Variants in SH3RF3 observed in about 807,000 individuals in gnomAD.
The protein encoded by SH3RF3 is SH3 domain containing ring finger 3.
In SH3RF3, 29 loss-of-function variants were observed where a neutral mutation model predicts 66.3. The observed-to-expected ratio is 0.44, with a 90% CI of 0.33 to 0.60. The LOEUF is 0.60. SH3RF3 is among the 20% of genes least tolerant of loss of function. SH3RF3 has a pLI of 0.04. For synonymous variants in SH3RF3, 583 were observed against 532.0 expected (o/e 1.10, Z -1.32); for missense variants, 1,194 against 1,190.9 (o/e 1.00, Z -0.04).
chr2:109,361,547 C>T (rs142314560), intron 2 of SH3RF3, among the ~76,000 whole-genome samples: 2,089 of 152,238 alleles, frequency 0.014, 29 homozygotes, highest in Non-Finnish European at 0.02. Flanking sequence ...GATCTTGGCT[C>T]ATTGCAACCT....
At chr2:109,373,601 AC>A (rs1434535662) in intron 3 of SH3RF3, among the ~76,000 whole-genome samples, 1 of 146,728 alleles carries the variant, frequency 6.8e-6, no homozygotes, top group African/African-American at 2.6e-5. Context: ...AGCAGACAGA[AC>A]TCCTCTGTTG....
chr2:109,321,361 T>G (rs1559022524), intron 1 of SH3RF3, among the ~76,000 whole-genome samples: 1 of 152,254 alleles, frequency 6.6e-6, no homozygotes, highest in Admixed American at 6.5e-5. Flanking sequence ...AACGTCATCA[T>G]TCATTGCCAA....
At chr2:109,448,227 G>A (rs1393328897) in intron 7 of SH3RF3, among the ~76,000 whole-genome samples, 1 of 152,136 alleles carries the variant, frequency 6.6e-6, no homozygotes, top group Non-Finnish European at 1.5e-5. Context: ...GCTTTCACAG[G>A]CTTTATGTTT....
Position 109,437,068 on chromosome 2 carries a change from G to T in SH3RF3, c.1750G>T (p.Ala584Ser), listed in dbSNP as rs778190379. 6.2e-7 allele frequency: 1 copy of T among 1,613,632 alleles called. No homozygotes were observed. The highest frequency in any genetic ancestry group is 1.1e-5 in the South Asian group (1 of 91,048). Residue 584 changes from alanine (A) to serine (S), a missense_variant, in exon 7 of 10, where the codon GCC (alanine) becomes TCC (serine). Coordinates refer to ENST00000309415, the MANE Select transcript of SH3RF3 (RefSeq NM_001099289.3). ...TPQAHAQHPT[A>S]SPPTGSCLRH... Reference sequence around the variant, plus strand: ...CCAGGCCCACGCCCAGCACCCCACAGCCTCGCCCCCAACAGGCAGCTGTCT... The same window carrying T: ...CCAGGCCCACGCCCAGCACCCCACATCCTCGCCCCCAACAGGCAGCTGTCT...
chr2:109,133,722 AT>A (rs35011575), intron 1 of SH3RF3, among the ~76,000 whole-genome samples: 84,247 of 128,904 alleles, frequency 0.65, 28,305 homozygotes, highest in Non-Finnish European at 0.8. Flanking sequence ...CCAAGGGACA[AT>A]TTTTTTTTTT....
chr2:109,133,083 C>T (rs1019351238), intron 1 of SH3RF3, among the ~76,000 whole-genome samples: 2 of 152,176 alleles, frequency 1.3e-5, no homozygotes, highest in African/African-American at 4.8e-5. Flanking sequence ...ATGGAGCTGA[C>T]AGTAGAGGTA....
chr2:109,257,991 C>T (rs1457192866), intron 1 of SH3RF3, among the ~76,000 whole-genome samples: 4 of 119,750 alleles, frequency 3.3e-5, no homozygotes, highest in Non-Finnish European at 5.5e-5. Context: ...ATTGTCACCA[C>T]ATGTGCACAC....
Position 109,354,235 on chromosome 2 carries a change from G to A in SH3RF3, c.849+6286G>A, listed in dbSNP as rs1259551613. ...TGTGGCTGACCTGTGTGCCGCCAAC[G>A]GATACTGCCTGTGTCAGGCTGGGTC... On this transcript the variant is annotated intron_variant, in intron 2 of 9. Coordinates refer to ENST00000309415, the MANE Select transcript of SH3RF3 (RefSeq NM_001099289.3). Among the ~76,000 whole-genome samples the A allele has an allele frequency of 5.3e-5, 8 of 152,198 alleles. No homozygotes were observed. The East Asian group carries it at 9.6e-4, about 18-fold the overall frequency.
chr2:109,258,978 C>T (rs1159008232), intron 1 of SH3RF3, among the ~76,000 whole-genome samples: 1 of 152,220 alleles, frequency 6.6e-6, no homozygotes, highest in African/African-American at 2.4e-5. Context: ...TCCGCATGCC[C>T]TCTCTAGCTG....
intron 1 of SH3RF3, among the ~76,000 whole-genome samples, chr2:109,229,650 C>T (rs1679450273): frequency 1.3e-5 from 2 of 152,086 alleles, no homozygotes; most frequent in South Asian, 4.1e-4. Context: ...GTCAGGAAGG[C>T]CCCAGATGTG....
At chr2:109,476,526 C>G (rs750049679) in intron 8 of SH3RF3, among the ~76,000 whole-genome samples, 1 of 152,228 alleles carries the variant, frequency 6.6e-6, no homozygotes, top group African/African-American at 2.4e-5. Context: ...AAGCCTGGCT[C>G]TAGCATGTCA....
chr2:109,286,748 C>G (rs1465582804), intron 1 of SH3RF3, among the ~76,000 whole-genome samples: 1 of 152,196 alleles, frequency 6.6e-6, no homozygotes, highest in Non-Finnish European at 1.5e-5. Context: ...TGTTGGGTTT[C>G]CCTACAGAGA....
intron 1 of SH3RF3, among the ~76,000 whole-genome samples, chr2:109,204,942 T>C (rs1377423932): frequency 6.6e-6 from 1 of 152,204 alleles, no homozygotes; most frequent in Non-Finnish European, 1.5e-5. Context: ...GCATGGTGGC[T>C]CATGCCTGTA....
At chr2:109,365,156 G>T (rs764868393) in intron 2 of SH3RF3, among the ~76,000 whole-genome samples, 3 of 152,210 alleles carry the variant, frequency 2.0e-5, no homozygotes, top group Non-Finnish European at 2.9e-5. Context: ...GCTCTGGCAT[G>T]TTTCACAGTG....
chr2:109,242,528 G>T (rs1193847799), intron 1 of SH3RF3, among the ~76,000 whole-genome samples: 1 of 152,194 alleles, frequency 6.6e-6, no homozygotes, highest in Non-Finnish European at 1.5e-5. Context: ...GGAGTGAATG[G>T]CAACAAGGCC....
In SH3RF3 at chr2:109,361,157, G is replaced by T. The variant is rs114063831; in HGVS notation, c.850-10429G>T. On this transcript the variant is annotated intron_variant, in intron 2 of 9. Transcript: ENST00000309415. ...GATTTTTAGATGTTGAGCCAGCCTT[G>T]CATACCTGGGATAAATTCCACTTGG... Among the ~76,000 whole-genome samples the T allele has an allele frequency of 5.5e-3, 843 of 152,278 alleles. 5 individuals are homozygous for T. The highest frequency in any genetic ancestry group is 0.018 in the African/African-American group (768 of 41,564).
chr2:109,361,609 G>A (rs1256360891), intron 2 of SH3RF3, among the ~76,000 whole-genome samples: 1 of 152,130 alleles, frequency 6.6e-6, no homozygotes, highest in African/African-American at 2.4e-5. Context: ...AAGTAGCTGG[G>A]ACTACAGGCA....
chr2:109,456,132 T>C (rs1346182940), intron 8 of SH3RF3, among the ~76,000 whole-genome samples: 1 of 152,196 alleles, frequency 6.6e-6, no homozygotes, highest in Non-Finnish European at 1.5e-5. Flanking sequence ...GCAAAGTCAC[T>C]GAAGAGTCTC....
At chr2:109,203,079 G>T (rs1476406692) in intron 1 of SH3RF3, among the ~76,000 whole-genome samples, 1 of 152,158 alleles carries the variant, frequency 6.6e-6, no homozygotes, top group Admixed American at 6.5e-5. Context: ...CAGAAGCTCC[G>T]TCGAGCCTGG....
Sources: allele counts gnomAD v4.1 joint callset (sites outside exome capture counted in the v4.1 genomes callset), GRCh38; gene constraint gnomAD v4.1.1; transcripts MANE v1.5; gene names NCBI Gene and HGNC (gene_info 2026-07-23, HGNC 2026-07-21).